The following SRRM4 variants were observed in gnomAD, a reference collection of about 807,000 sequenced individuals.
SRRM4 encodes serine/arginine repetitive matrix protein 4.
SRRM4 carries 33 observed loss-of-function variants against 68.9 expected under a neutral mutation model. The observed-to-expected ratio is 0.48, with a 90% CI of 0.36 to 0.64. The LOEUF (loss-of-function observed/expected upper bound fraction) is 0.64. Among genes scored for constraint, SRRM4 ranks in the 30% least tolerant of loss-of-function variants. The pLI, the probability that SRRM4 is intolerant of heterozygous loss-of-function variation, is 0.00. For synonymous variants in SRRM4, 318 were observed against 318.8 expected, an observed-to-expected ratio of 1.00 and a Z score of 0.03; for missense variants, 817 against 827.1, an observed-to-expected ratio of 0.99 and a Z score of 0.15.
At position 119,154,254 on chromosome 12, in the gene SRRM4, C is replaced by T; in HGVS notation, c.1403C>T (p.Pro468Leu). The T allele has an allele frequency of 6.2e-7, 1 of 1,606,744 alleles. No individual in the cohort carries two copies. The highest frequency in any genetic ancestry group is 8.5e-7 in the Non-Finnish European group (1 of 1,176,476). Residue 468 changes from proline (P) to leucine (L), a missense_variant, in exon 12 of 13, where the codon CCC becomes CTC. Pro to Leu is a moderately conservative substitution (Grantham distance 98, BLOSUM62 -3). Coordinates refer to ENST00000267260, the MANE Select transcript of SRRM4 (RefSeq NM_194286.4). The surrounding 1 kb of genome is among the most constrained non-coding windows in gnomAD (Gnocchi z 4.7). ...CCGCGCCCCTTCAGGGAGCGGGATC[C>T]CAAATACAGTGAGAAGGACTCGCAG... ...SRYSPSRERD[P>L]KYSEKDSQQR...
In SRRM4 at chr12:119,137,318, G is replaced by A. The variant is rs76021472; in HGVS notation, c.771+6484G>A. Among the ~76,000 whole-genome samples, 1,170 of 152,190 alleles carry A rather than the reference G, an allele frequency of 7.7e-3. 24 individuals carry two copies. Among genetic ancestry groups the A allele is most frequent in the African/African-American group, 0.027 (1,128 of 41,508 alleles). On this transcript the variant is annotated intron_variant, in intron 8 of 12. Coordinates refer to ENST00000267260, the MANE Select transcript of SRRM4 (RefSeq NM_194286.4). ...TTGTATTTTTGTATCCTATTAGGCC[G>A]TGCTGCCTCTTGATCTTAGAATTCA...
rs569432520 is a variant in SRRM4, at chr12:119,089,719, C to T, written c.132-12517C>T. ...TGGTGGAGTTGGTATAGACCACCCT[C>T]TCTATTCATCCTGCCATCATCCTCA... On this transcript the variant is annotated intron_variant, in intron 1 of 12. Coordinates refer to ENST00000267260, the MANE Select transcript of SRRM4 (RefSeq NM_194286.4). Among the ~76,000 whole-genome samples, 5 of 150,704 alleles carry T rather than the reference C, an allele frequency of 3.3e-5. No individual in the cohort carries two copies. In the South Asian group the frequency reaches 1.1e-3, roughly 32 times the overall value.
chr12:119,148,536 C>T (rs988615502), intron 9 of SRRM4, among the ~76,000 whole-genome samples: 2 of 152,208 alleles, frequency 1.3e-5, no homozygotes, highest in African/African-American at 4.8e-5. Context: ...ATGCTAGGTA[C>T]ACTGCCAAAT....
chr12:119,042,610 G>A (rs1280650750), intron 1 of SRRM4, among the ~76,000 whole-genome samples: 19 of 151,328 alleles, frequency 1.3e-4, no homozygotes, highest in Non-Finnish European at 2.9e-5. Flanking sequence ...GTGAAAAGAG[G>A]AGATAGCAAG....
intron 8 of SRRM4, among the ~76,000 whole-genome samples, chr12:119,136,945 C>T (rs1408178803): frequency 6.6e-6 from 1 of 152,120 alleles, no homozygotes; most frequent in African/African-American, 2.4e-5. Flanking sequence ...CCCACAATGC[C>T]CGGCACATCT....
intron 1 of SRRM4, among the ~76,000 whole-genome samples, chr12:119,003,076 T>C (rs1471740444): frequency 6.6e-6 from 1 of 151,590 alleles, no homozygotes; most frequent in African/African-American, 2.4e-5. Context: ...CAAGCAGGGG[T>C]TTGAATCCCA....
At chr12:119,103,094 A>G (rs1954086733) in intron 2 of SRRM4, among the ~76,000 whole-genome samples, 1 of 152,228 alleles carries the variant, frequency 6.6e-6, no homozygotes, top group South Asian at 2.1e-4. Context: ...AAAACAAAAA[A>G]AAAATTATCC....
chr12:119,057,348 TCCCAGCC>T (rs1953783172), intron 1 of SRRM4, among the ~76,000 whole-genome samples: 1 of 152,102 alleles, frequency 6.6e-6, no homozygotes, highest in Non-Finnish European at 1.5e-5. Context: ...GCTCTCCCTC[TCCCAGCC>T]CCCTGACAGG....
At chr12:119,127,226 A>T (rs188102046) in intron 7 of SRRM4, among the ~76,000 whole-genome samples, 2,084 of 152,076 alleles carry the variant, frequency 0.014, 27 homozygotes, top group South Asian at 0.028. Context: ...AAATAAATTT[A>T]AAAAAAAGAA....
At chr12:119,008,310 T>C (rs1037094736) in intron 1 of SRRM4, among the ~76,000 whole-genome samples, 5 of 150,450 alleles carry the variant, frequency 3.3e-5, no homozygotes, top group Non-Finnish European at 7.4e-5. Flanking sequence ...AAATCGAGGC[T>C]ACAGTGAACT....
At chr12:119,050,941 G>T in intron 1 of SRRM4, among the ~76,000 whole-genome samples, 1 of 152,034 alleles carries the variant, frequency 6.6e-6, no homozygotes, top group East Asian at 1.9e-4. Flanking sequence ...GCCACCTGTG[G>T]CTCCCATATT....
intron 7 of SRRM4, among the ~76,000 whole-genome samples, chr12:119,127,133 A>G (rs7297485): frequency 0.65 from 95,713 of 146,510 alleles, 31,475 homozygotes; most frequent in South Asian, 0.71. Context: ...TGGGTGCAGC[A>G]CACCAGCATG....
At chr12:119,039,708 A>T (rs1300526552) in intron 1 of SRRM4, among the ~76,000 whole-genome samples, 1 of 152,218 alleles carries the variant, frequency 6.6e-6, no homozygotes, top group East Asian at 1.9e-4. Flanking sequence ...AACACAAAGT[A>T]TTATCATAAA....
At chr12:119,024,824 A>G (rs937222971) in intron 1 of SRRM4, among the ~76,000 whole-genome samples, 7 of 151,938 alleles carry the variant, frequency 4.6e-5, no homozygotes, top group African/African-American at 1.4e-4. Context: ...TTTTCAGGAC[A>G]CTCTATCCTG....
Position 119,015,558 on chromosome 12 carries a change from TTTC to T in SRRM4, c.131+33551_131+33553del, listed in dbSNP as rs375961630. On this transcript the variant is annotated intron_variant, in intron 1 of 12. Coordinates refer to ENST00000267260, the MANE Select transcript of SRRM4 (RefSeq NM_194286.4). ...CTCACCCTTCTACATGCTCTTGCCT[TTTC>T]TTCTTAACTTTGTATTTTGAATTTT... 6.9e-4 allele frequency among the ~76,000 whole-genome samples: 105 copies of T among 152,314 alleles called. 3 individuals carry two copies. In the East Asian group the frequency reaches 0.016, roughly 23 times the overall value.
At chr12:119,103,369 C>A (rs539999720) in intron 2 of SRRM4, among the ~76,000 whole-genome samples, 2 of 152,146 alleles carry the variant, frequency 1.3e-5, no homozygotes, top group Admixed American at 6.5e-5. Context: ...AGTATCAAAC[C>A]CATTACCCAA....
chr12:119,102,823 T>G (rs1824641816), intron 2 of SRRM4, among the ~76,000 whole-genome samples: 1 of 152,228 alleles, frequency 6.6e-6, no homozygotes, highest in South Asian at 2.1e-4. Context: ...GCATGTTTTC[T>G]TTTACTCAGT....
chr12:119,073,312 C>CTTTTTTTT (rs71451813), intron 1 of SRRM4, among the ~76,000 whole-genome samples: 4 of 103,122 alleles, frequency 3.9e-5, no homozygotes, highest in Non-Finnish European at 2.1e-5. Flanking sequence ...TCTCTCTCCT[C>CTTTTTTTT]TTTTTTTTTT....
At chr12:119,009,645 T>C (rs1371329887) in intron 1 of SRRM4, among the ~76,000 whole-genome samples, 1 of 152,140 alleles carries the variant, frequency 6.6e-6, no homozygotes, top group East Asian at 1.9e-4. Context: ...CTGTGCAAAA[T>C]GGAAATCACA....
Sources: gnomAD v4.1 joint callset for allele counts (sites outside exome capture counted in the v4.1 genomes callset) on GRCh38, gnomAD v4.1.1 for gene constraint, Gnocchi (gnomAD v3.1) non-coding constraint, MANE v1.5 for transcripts, NCBI Gene and HGNC (gene_info 2026-07-23, HGNC 2026-07-21) for gene names.